The following KCNH1 variants were observed in gnomAD, a reference collection of about 807,000 sequenced individuals.
KCNH1 encodes voltage-gated delayed rectifier potassium channel KCNH1.
KCNH1 carries 27 observed loss-of-function variants against 69.2 expected under a neutral mutation model. That is an observed-to-expected ratio of 0.39 (90% CI 0.29 to 0.54). KCNH1 has a LOEUF of 0.54. Among genes scored for constraint, KCNH1 ranks in the 20% least tolerant of loss-of-function variants. The pLI, the probability that KCNH1 is intolerant of heterozygous loss-of-function variation, is 0.68. For missense variants in KCNH1, 798 were observed against 1,261.6 expected (o/e 0.63, Z 5.57); for synonymous variants, 456 against 487.7 (o/e 0.93, Z 0.86).
intron 10 of KCNH1, among the ~76,000 whole-genome samples, chr1:210,723,425 C>G (rs1390775477): frequency 6.6e-6 from 1 of 152,092 alleles, no homozygotes; most frequent in East Asian, 1.9e-4. Context: ...AGCCACTCCT[C>G]AGAGGTGGAG....
At chr1:211,066,552 G>A (rs967581953) in intron 5 of KCNH1, among the ~76,000 whole-genome samples, 2 of 152,134 alleles carry the variant, frequency 1.3e-5, no homozygotes, top group African/African-American at 4.8e-5. Context: ...ACTCATTCCA[G>A]TGTTCAAAAA....
chr1:211,082,275 T>G (rs1403091218), intron 5 of KCNH1, among the ~76,000 whole-genome samples: 1 of 152,222 alleles, frequency 6.6e-6, no homozygotes, highest in African/African-American at 2.4e-5. Flanking sequence ...CTGAATTTCA[T>G]AAACATTAAC....
At chr1:210,711,336 T>TC (rs1409829588) in intron 10 of KCNH1, among the ~76,000 whole-genome samples, 1 of 152,218 alleles carries the variant, frequency 6.6e-6, no homozygotes, top group East Asian at 1.9e-4. Flanking sequence ...GCTGTTACTC[T>TC]CTTCAGGGGC....
chr1:210,966,610 A>G (rs1367352269), intron 6 of KCNH1, among the ~76,000 whole-genome samples: 1 of 152,234 alleles, frequency 6.6e-6, no homozygotes, highest in Non-Finnish European at 1.5e-5. Context: ...CAACAGACAC[A>G]TGAAAAAATG....
At chr1:210,893,044 A>G (rs1024733131) in intron 7 of KCNH1, among the ~76,000 whole-genome samples, 9 of 152,218 alleles carry the variant, frequency 5.9e-5, no homozygotes, top group Admixed American at 5.9e-4. Flanking sequence ...GAACTGAGTC[A>G]TTAAGGACTG....
At position 210,706,898 on chromosome 1, in the gene KCNH1, C is replaced by T. The variant is rs1681926772; in HGVS notation, c.2113-22760G>A. ...GGCCCTGATGGGCATTTCCTGCTTT[C>T]TCTCTATCATCTCACATTTGCCAGA... On this transcript the variant is annotated intron_variant, in intron 10 of 10. Coordinates refer to ENST00000271751, the MANE Select transcript of KCNH1 (RefSeq NM_172362.3). Among the ~76,000 whole-genome samples the T allele has an allele frequency of 3.3e-5, 5 of 152,248 alleles. No homozygotes were observed. The South Asian group carries it at 1.0e-3, about 31-fold the overall frequency.
chr1:210,969,764 T>C (rs1462717308), intron 6 of KCNH1, among the ~76,000 whole-genome samples: 5 of 152,188 alleles, frequency 3.3e-5, no homozygotes, highest in Non-Finnish European at 7.3e-5. Flanking sequence ...CTTTCATCTT[T>C]AGCTTCCTCC....
rs572220910 is a variant in KCNH1 at position 211,012,164 on chromosome 1, G to A, written c.1032+6619C>T. 1.4e-4 allele frequency among the ~76,000 whole-genome samples: 21 copies of A among 152,282 alleles called. No homozygotes were observed. In the South Asian group the frequency reaches 4.3e-3, roughly 32 times the overall value. ...ATAGAAATGCCAAGGAAAAAAGAAGGAAATATGAGGACACTATGGTACAAC... is the reference window on the plus strand; with the variant it reads ...ATAGAAATGCCAAGGAAAAAAGAAGAAAATATGAGGACACTATGGTACAAC... On this transcript the variant is annotated intron_variant, in intron 6 of 10. Transcript: ENST00000271751.
At chr1:210,854,452 G>C (rs1206863753) in intron 7 of KCNH1, among the ~76,000 whole-genome samples, 2 of 152,148 alleles carry the variant, frequency 1.3e-5, no homozygotes, top group African/African-American at 4.8e-5. Context: ...ACAACCAAAG[G>C]CACGGCCTCC....
At chr1:210,830,577 C>T (rs749130526) in intron 7 of KCNH1, among the ~76,000 whole-genome samples, 1 of 151,514 alleles carries the variant, frequency 6.6e-6, no homozygotes, top group South Asian at 2.1e-4. Context: ...AAGAAACCAG[C>T]TGCTCCATCC....
chr1:210,908,455 T>C (rs977822311), intron 7 of KCNH1, among the ~76,000 whole-genome samples: 1 of 152,114 alleles, frequency 6.6e-6, no homozygotes, highest in Non-Finnish European at 1.5e-5. Flanking sequence ...AGGGATGGAA[T>C]CAAAATGACA....
At chr1:210,931,071 G>C (rs1687672263) in intron 6 of KCNH1, among the ~76,000 whole-genome samples, 2 of 152,184 alleles carry the variant, frequency 1.3e-5, no homozygotes, top group South Asian at 4.1e-4. Flanking sequence ...TGGTGAGACT[G>C]TAAACTAGTA....
chr1:210,760,328 C>T (rs1237810555), intron 10 of KCNH1, among the ~76,000 whole-genome samples: 2 of 152,144 alleles, frequency 1.3e-5, no homozygotes, highest in Non-Finnish European at 2.9e-5. Flanking sequence ...TGAAAACCAT[C>T]AGACTAAGAA....
chr1:210,811,414 T>C (rs908011009), intron 7 of KCNH1, among the ~76,000 whole-genome samples: 2 of 152,304 alleles, frequency 1.3e-5, no homozygotes, highest in East Asian at 3.9e-4. Flanking sequence ...CAAATTATTT[T>C]TCAGATTTCC....
intron 6 of KCNH1, among the ~76,000 whole-genome samples, chr1:210,970,500 C>G (rs1688493530): frequency 6.6e-6 from 1 of 152,100 alleles, no homozygotes; most frequent in African/African-American, 2.4e-5. Flanking sequence ...CTACAACCAT[C>G]TGATCTTCAA....
chr1:211,118,169 G>A (rs1286092360), intron 1 of KCNH1, among the ~76,000 whole-genome samples: 1 of 152,142 alleles, frequency 6.6e-6, no homozygotes, highest in Non-Finnish European at 1.5e-5. Context: ...ATTTATATAT[G>A]GGGAAAATGC....
intron 10 of KCNH1, among the ~76,000 whole-genome samples, chr1:210,713,868 G>A (rs200124266): frequency 1.3e-5 from 2 of 152,176 alleles, no homozygotes; most frequent in East Asian, 3.9e-4. Context: ...TTTCATTGCA[G>A]ACTGAGGCAT....
chr1:210,790,849 CA>C (rs1387871203), intron 9 of KCNH1, among the ~76,000 whole-genome samples: 1 of 152,172 alleles, frequency 6.6e-6, no homozygotes, highest in Non-Finnish European at 1.5e-5. Flanking sequence ...CAGTGGTTTC[CA>C]CTGCTGAGTT....
chr1:210,807,789 T>C (rs1684615650), intron 7 of KCNH1, among the ~76,000 whole-genome samples: 1 of 152,220 alleles, frequency 6.6e-6, no homozygotes, highest in Non-Finnish European at 1.5e-5. Flanking sequence ...TGTATGGATG[T>C]ACCACAACCA....
Sources: gnomAD v4.1 joint callset for allele counts (sites outside exome capture counted in the v4.1 genomes callset) on GRCh38, gnomAD v4.1.1 for gene constraint, MANE v1.5 for transcripts, NCBI Gene and HGNC (gene_info 2026-07-23, HGNC 2026-07-21) for gene names.